EYA4: variants seen among roughly 807,000 people sequenced by gnomAD.
The protein encoded by EYA4 is EYA transcriptional coactivator and phosphatase 4, also known as protein phosphatase EYA4.
A neutral mutation model predicts 87.9 loss-of-function variants in EYA4; 31 were observed. That is an observed-to-expected ratio of 0.35 (90% CI 0.27 to 0.48). The LOEUF is 0.48. Ranked by LOEUF, EYA4 falls within the 20% of genes least tolerant of loss-of-function variation. The pLI is 0.99. For synonymous variants in EYA4, 263 were observed against 270.6 expected (o/e 0.97, Z 0.28); for missense variants, 678 against 761.4 (o/e 0.89, Z 1.29).
chr6:133,370,584 G>T (rs893555781), intron 2 of EYA4, among the ~76,000 whole-genome samples: 1 of 152,132 alleles, frequency 6.6e-6, no homozygotes, highest in African/African-American at 2.4e-5. Context: ...TGTTAATGTT[G>T]GGAGAAATGC....
chr6:133,437,123 G>A (rs905696666), intron 3 of EYA4, among the ~76,000 whole-genome samples: 20 of 152,050 alleles, frequency 1.3e-4, no homozygotes, highest in African/African-American at 4.8e-4. Context: ...CTGGAAAGAT[G>A]CTAATATTCA....
chr6:133,446,823 A>G, intron 4 of EYA4, 69 bp downstream of exon 4: 2 of 1,361,242 alleles, frequency 1.5e-6, no homozygotes, highest in Non-Finnish European at 2.1e-6. Context: ...CTTCTTAGAG[A>G]TCTGCTAATA....
intron 1 of EYA4, among the ~76,000 whole-genome samples, chr6:133,263,583 T>C (rs1775969820): frequency 6.6e-6 from 1 of 152,214 alleles, no homozygotes; most frequent in Non-Finnish European, 1.5e-5. Context: ...TTCGTGCAAC[T>C]GGAGAAGACT....
intron 3 of EYA4, among the ~76,000 whole-genome samples, chr6:133,439,049 C>CAAAAAAAACAAAAAAAAAAAAAAAAAA (rs1791995649): frequency 7.8e-5 from 5 of 64,024 alleles, no homozygotes; most frequent in Non-Finnish European, 1.3e-4. Context: ...GACTCCGTCT[C>CAAAAAAAACAAAAAAAAAAAAAAAAAA]AAAAAAAAAA....
chr6:133,463,604 G>A lies in EYA4; in HGVS notation c.724+840G>A, dbSNP rs146364754. ...TCAAACTCCTGATCTCAGGTGACCC[G>A]CCCGCCACGGCCTCCCAAAGTACTG... On this transcript the variant is annotated intron_variant, in intron 9 of 19. Transcript: ENST00000355286. 3.5e-3 allele frequency among the ~76,000 whole-genome samples: 528 copies of A among 152,028 alleles called. 3 individuals carry two copies. Among genetic ancestry groups the A allele is most frequent in the African/African-American group, 0.012 (496 of 41,504 alleles).
chr6:133,484,602 A>G (rs994841644), intron 13 of EYA4, among the ~76,000 whole-genome samples: 1 of 152,230 alleles, frequency 6.6e-6, no homozygotes, highest in East Asian at 1.9e-4. Context: ...ATATCCTACT[A>G]CTGATTAAGT....
intron 19 of EYA4, among the ~76,000 whole-genome samples, chr6:133,528,087 T>A (rs1800781250): frequency 6.6e-6 from 1 of 152,192 alleles, no homozygotes; most frequent in Admixed American, 6.5e-5. Flanking sequence ...TTTGGAGATA[T>A]CTTCCCCATT....
chr6:133,460,895 G>A (rs972958666), intron 6 of EYA4, among the ~76,000 whole-genome samples: 1 of 152,104 alleles, frequency 6.6e-6, no homozygotes, highest in African/African-American at 2.4e-5. Flanking sequence ...GAATGACAGA[G>A]GGAATGATTT....
intron 3 of EYA4, among the ~76,000 whole-genome samples, chr6:133,402,502 G>A (rs560070305): frequency 1.3e-5 from 2 of 152,084 alleles, no homozygotes; most frequent in African/African-American, 4.8e-5. Context: ...AATTTCTAAA[G>A]TGAGAATCTA....
At chr6:133,506,274 G>A (rs759433916) in intron 14 of EYA4, 79 bp downstream of exon 14, 22 of 784,458 alleles carry the variant, frequency 2.8e-5, no homozygotes, top group South Asian at 6.2e-5. Context: ...AGATAACCTC[G>A]AGAAAACAGA....
intron 2 of EYA4, among the ~76,000 whole-genome samples, chr6:133,299,939 C>CTATATATATATA (rs201050418): frequency 3.7e-5 from 5 of 134,706 alleles, no homozygotes; most frequent in Admixed American, 1.4e-4. Flanking sequence ...ATCTATCTAT[C>CTATATATATATA]TATCTATCTA....
chr6:133,468,652 T>C lies in EYA4; in HGVS notation c.891T>C (p.Asn297=). Residue 297 remains asparagine, a synonymous_variant, in exon 11 of 20, where the codon AAT becomes AAC. Coordinates refer to ENST00000355286, the MANE Select transcript of EYA4 (RefSeq NM_004100.5). The stretch of plus-strand genomic sequence containing the variant: ...CGTATGGAGCGTATATGACATCGAA[T>C]AACACAGCCGATGGCACACCCTCTT... ...ASTYGAYMTS[N]NTADGTPSST... is the part of the protein sequence containing the mutation. The C allele has an allele frequency of 6.2e-7, 1 of 1,613,088 alleles. No individual in the cohort carries two copies. The highest frequency in any genetic ancestry group is 8.5e-7 in the Non-Finnish European group (1 of 1,179,312).
At chr6:133,423,943 A>G (rs376684149) in intron 3 of EYA4, among the ~76,000 whole-genome samples, 3 of 152,266 alleles carry the variant, frequency 2.0e-5, no homozygotes, top group East Asian at 3.9e-4. Context: ...CAAGATAAAG[A>G]TGAGTTTTAT....
At chr6:133,249,962 TG>T (rs1454194369) in intron 1 of EYA4, among the ~76,000 whole-genome samples, 11 of 152,224 alleles carry the variant, frequency 7.2e-5, no homozygotes, top group Non-Finnish European at 1.5e-5. Context: ...CACAGTGCAC[TG>T]CTGGACATAT....
chr6:133,267,418 T>C (rs764287012), intron 1 of EYA4, among the ~76,000 whole-genome samples: 32 of 151,962 alleles, frequency 2.1e-4, no homozygotes, highest in Non-Finnish European at 3.8e-4. Flanking sequence ...TCTCACTCTG[T>C]CACACCCAGG....
intron 16 of EYA4, among the ~76,000 whole-genome samples, 158 bp from the exon 17 acceptor site, chr6:133,515,163 A>G (rs993056170): frequency 2.6e-5 from 4 of 152,264 alleles, no homozygotes; most frequent in Non-Finnish European, 5.9e-5. Flanking sequence ...TATTCAATTC[A>G]GAAACGAAGG....
chr6:133,370,220 G>A (rs902247663), intron 2 of EYA4, among the ~76,000 whole-genome samples: 1 of 152,092 alleles, frequency 6.6e-6, no homozygotes, highest in African/African-American at 2.4e-5. Flanking sequence ...TCACACACAC[G>A]CACTACAGAA....
chr6:133,480,756 A>ACTT (rs1796137878), intron 11 of EYA4, among the ~76,000 whole-genome samples: 1 of 152,196 alleles, frequency 6.6e-6, no homozygotes, highest in Admixed American at 6.6e-5. Context: ...CTGATAAAAA[A>ACTT]CTTTAAAATA....
At chr6:133,525,848 A>C (rs1223270281) in intron 19 of EYA4, 4 of 946,910 alleles carry the variant, frequency 4.2e-6, no homozygotes. Flanking sequence ...AATAAGTGCT[A>C]CTGAAATGGG....
Sources: allele counts gnomAD v4.1 joint callset (sites outside exome capture counted in the v4.1 genomes callset), GRCh38; gene constraint gnomAD v4.1.1; transcripts MANE v1.5; gene names NCBI Gene and HGNC (gene_info 2026-07-23, HGNC 2026-07-21).